ARHGEF4: variants seen among roughly 807,000 people sequenced by gnomAD.
ARHGEF4 encodes Rho guanine nucleotide exchange factor 4, also known as APC-stimulated guanine nucleotide exchange factor 1.
In ARHGEF4, 119 loss-of-function variants were observed where a neutral mutation model predicts 162.0. The observed-to-expected ratio is 0.73, with a 90% CI of 0.63 to 0.86. The LOEUF (loss-of-function observed/expected upper bound fraction) is 0.86. Ranked by LOEUF, ARHGEF4 falls within the 40% of genes least tolerant of loss-of-function variation. The pLI, the probability that ARHGEF4 is intolerant of heterozygous loss-of-function variation, is 0.00. For missense variants in ARHGEF4, 2,488 were observed against 2,456.0 expected (o/e 1.01, Z -0.28); for synonymous variants, 1,014 against 979.9 (o/e 1.03, Z -0.65).
chr2:130,929,693 C>A (rs1682504773), intron 2 of ARHGEF4: 1 of 164,094 alleles, frequency 6.1e-6, no homozygotes, highest in African/African-American at 2.4e-5. Flanking sequence ...AGTAAGCATA[C>A]CCACTTTTCT....
intron 1 of ARHGEF4, among the ~76,000 whole-genome samples, chr2:130,865,828 A>T (rs192936913): frequency 2.8e-4 from 43 of 152,262 alleles, no homozygotes; most frequent in African/African-American, 9.9e-4. Context: ...GCTGTGATCA[A>T]GTCCGTCAGT....
chr2:130,961,606 C>G (rs1208389248), intron 4 of ARHGEF4, among the ~76,000 whole-genome samples: 2 of 152,152 alleles, frequency 1.3e-5, no homozygotes, highest in African/African-American at 4.8e-5. Context: ...AGGAAACGAG[C>G]AAGATGTGAT....
At position 130,919,473 on chromosome 2, in the gene ARHGEF4, T is replaced by C. The variant is rs1393701017; in HGVS notation, c.3552+1975T>C. Among the ~76,000 whole-genome samples, 4 of 152,262 alleles carry C rather than the reference T, an allele frequency of 2.6e-5. No homozygotes were observed. The East Asian group carries it at 5.8e-4, about 22-fold the overall frequency. On this transcript the variant is annotated intron_variant, in intron 2 of 13. Coordinates refer to ENST00000409359, the MANE Select transcript of ARHGEF4 (RefSeq NM_001367493.1). Reference sequence around the variant, plus strand: ...GTGTTTCTGATCACCTGAAAATACATAGAGAACTTGATTTACAAGTAAAAA... The same window carrying C: ...GTGTTTCTGATCACCTGAAAATACACAGAGAACTTGATTTACAAGTAAAAA...
rs10175658 is a variant in ARHGEF4, at chr2:131,024,436, C to T, written c.3986-3509C>T. On this transcript the variant is annotated intron_variant, in intron 4 of 13. Transcript: ENST00000409359. ...GACTACAGGTGTGTGCCACCATGCCCGCCTAATTTTCTGTATTTTTAGTAG... is the reference window on the plus strand; with the variant it reads ...GACTACAGGTGTGTGCCACCATGCCTGCCTAATTTTCTGTATTTTTAGTAG... Among the ~76,000 whole-genome samples the T allele has an allele frequency of 6.5e-3, 993 of 152,144 alleles. 6 individuals are homozygous for T. Among genetic ancestry groups the T allele is most frequent in the African/African-American group, 0.023 (940 of 41,484 alleles).
At chr2:130,888,147 T>G (rs1178777069) in intron 1 of ARHGEF4, among the ~76,000 whole-genome samples, 2 of 152,136 alleles carry the variant, frequency 1.3e-5, no homozygotes, top group African/African-American at 2.4e-5. Context: ...TTTGGCTTTA[T>G]TTTCTATTTT....
chr2:130,841,311 G>A (rs1443029352), intron 1 of ARHGEF4, among the ~76,000 whole-genome samples: 10 of 150,726 alleles, frequency 6.6e-5, no homozygotes, highest in South Asian at 4.2e-4. Flanking sequence ...TGATTCGTCC[G>A]CCTTAGTCTC....
At chr2:130,867,863 CT>C (rs1234318963) in intron 1 of ARHGEF4, among the ~76,000 whole-genome samples, 1 of 152,030 alleles carries the variant, frequency 6.6e-6, no homozygotes, top group African/African-American at 2.4e-5. Context: ...CAGCCGCCCC[CT>C]GCGCCATGTT....
At chr2:131,020,222 G>A (rs1434898042) in intron 4 of ARHGEF4, among the ~76,000 whole-genome samples, 3 of 151,610 alleles carry the variant, frequency 2.0e-5, no homozygotes, top group African/African-American at 4.9e-5. Flanking sequence ...AAGTTTTAGG[G>A]TACATGTGCA....
At chr2:131,001,290 G>A in intron 4 of ARHGEF4, among the ~76,000 whole-genome samples, 1 of 116,918 alleles carries the variant, frequency 8.6e-6, no homozygotes. Flanking sequence ...GCGACAGAGT[G>A]AGACTGTGTC....
Position 130,914,924 on chromosome 2 carries a change from C to CA in ARHGEF4, c.980dup (p.Asn327LysfsTer44). Reference sequence around the variant, plus strand: ...ACAAGAACAGGGCATCCCCCAGACTCAACTGTGGGCACATGAGGGCACTGG... The same window carrying CA: ...ACAAGAACAGGGCATCCCCCAGACTCAAACTGTGGGCACATGAGGGCACTGG... On this transcript the variant is annotated frameshift_variant, in exon 2 of 14. Coordinates refer to ENST00000409359, the MANE Select transcript of ARHGEF4 (RefSeq NM_001367493.1). LOFTEE classifies it high-confidence loss of function. The CA allele has an allele frequency of 6.5e-7, 1 of 1,535,262 alleles. No individual in the cohort carries two copies.
At chr2:130,844,374 G>A (rs547304752) in intron 1 of ARHGEF4, among the ~76,000 whole-genome samples, 6 of 152,274 alleles carry the variant, frequency 3.9e-5, no homozygotes, top group East Asian at 1.9e-4. Context: ...TAAAGGAGGC[G>A]GGGCGCCCTG....
chr2:130,884,641 G>A (rs1033856902), intron 1 of ARHGEF4, among the ~76,000 whole-genome samples: 1 of 152,078 alleles, frequency 6.6e-6, no homozygotes, highest in African/African-American at 2.4e-5. Flanking sequence ...TCCTCTGCTG[G>A]ACGAAGTAAA....
In ARHGEF4 at chr2:131,015,738, A is replaced by C. The variant is rs554785005; in HGVS notation, c.3986-12207A>C. Among the ~76,000 whole-genome samples the C allele has an allele frequency of 2.1e-4, 32 of 152,256 alleles. 1 individual carries two copies. In the South Asian group the frequency reaches 6.6e-3, roughly 32 times the overall value. On this transcript the variant is annotated intron_variant, in intron 4 of 13. Coordinates refer to ENST00000409359, the MANE Select transcript of ARHGEF4 (RefSeq NM_001367493.1). ...CCCATCTCTACTAAAAATAGAAACA[A>C]ACTCAGTCCAGTGCAGAGAGCCCAG...
At chr2:130,878,729 G>A (rs575444841) in intron 1 of ARHGEF4, among the ~76,000 whole-genome samples, 1 of 152,292 alleles carries the variant, frequency 6.6e-6, no homozygotes, top group African/African-American at 2.4e-5. Context: ...ATTTTCAATC[G>A]AATTAAATGG....
At chr2:130,895,709 T>C (rs930852087) in intron 1 of ARHGEF4, among the ~76,000 whole-genome samples, 4 of 152,206 alleles carry the variant, frequency 2.6e-5, no homozygotes, top group Non-Finnish European at 5.9e-5. Flanking sequence ...TATTACTGAG[T>C]GTAAGAGTTT....
chr2:130,992,661 T>TAC (rs1687112437), intron 4 of ARHGEF4, among the ~76,000 whole-genome samples: 2 of 152,210 alleles, frequency 1.3e-5, no homozygotes, highest in South Asian at 4.1e-4. Flanking sequence ...GCTTCATTCT[T>TAC]AAAGTCAGTG....
chr2:131,007,052 A>G (rs1286106858), intron 4 of ARHGEF4, among the ~76,000 whole-genome samples: 1 of 152,196 alleles, frequency 6.6e-6, no homozygotes, highest in Non-Finnish European at 1.5e-5. Flanking sequence ...TTACAGTGAA[A>G]TTGCAGAAGA....
At chr2:130,960,416 G>A (rs1684561494) in intron 4 of ARHGEF4, among the ~76,000 whole-genome samples, 1 of 152,160 alleles carries the variant, frequency 6.6e-6, no homozygotes, top group Non-Finnish European at 1.5e-5. Context: ...GTAACATGCT[G>A]TACAGGTTTG....
intron 1 of ARHGEF4, among the ~76,000 whole-genome samples, chr2:130,864,671 C>T (rs1475379936): frequency 3.3e-5 from 5 of 152,180 alleles, no homozygotes; most frequent in Admixed American, 3.3e-4. Context: ...TTGTAGTGAG[C>T]CGAGATCATG....
Sources: gnomAD v4.1 joint callset for allele counts (sites outside exome capture counted in the v4.1 genomes callset) on GRCh38, gnomAD v4.1.1 for gene constraint, MANE v1.5 for transcripts, NCBI Gene and HGNC (gene_info 2026-07-23, HGNC 2026-07-21) for gene names.